ZNF425: variants seen among roughly 807,000 people sequenced by gnomAD.
ZNF425 encodes the protein zinc finger protein 425.
Under a neutral mutation model 17.0 loss-of-function variants are expected in ZNF425, and 21 were observed. The ratio of observed to expected loss-of-function variants is 1.23; its 90% CI spans 0.88 to 1.78. ZNF425 has a LOEUF of 1.78. Among genes scored for constraint, ZNF425 ranks in the 40% most tolerant of loss-of-function variants. The probability of loss-of-function intolerance (pLI) is 0.00; values close to 1 mark genes in which losing one functional copy is unlikely to be tolerated. For missense variants in ZNF425, 868 were observed against 967.3 expected, an observed-to-expected ratio of 0.90 and a Z score of 1.36; for synonymous variants, 433 against 384.1, an observed-to-expected ratio of 1.13 and a Z score of -1.49.
rs774448916 is a variant in ZNF425, at chr7:149,104,418, GC to G, written c.1452del (p.Lys484AsnfsTer34). ...ECGKRFTRPS[K>X]LACHTRVHDR... ...TCGTGGACTCTGGTGTGGCAGGCGA[GC>G]TTGGAAGGCCGCGTGAAGCGCTTGC... On this transcript the variant is annotated frameshift_variant, in exon 4 of 4. Transcript: ENST00000378061. LOFTEE classifies it low-confidence loss of function (END_TRUNC). The surrounding 1 kb of genome is among the most constrained non-coding windows in gnomAD (Gnocchi z 4.3). 23 of 1,602,802 alleles carry G rather than the reference GC, an allele frequency of 1.4e-5. No individual in the cohort carries two copies. In the Admixed American group the frequency reaches 3.2e-4, roughly 23 times the overall value.
chr7:149,125,460 A>G (rs543450864), intron 1 of ZNF425, among the ~76,000 whole-genome samples: 1 of 152,146 alleles, frequency 6.6e-6, no homozygotes, highest in African/African-American at 2.4e-5. Flanking sequence ...GCGGTCTCCA[A>G]TTTCTCTCAG....
At position 149,104,794 on chromosome 7, in the gene ZNF425, G is replaced by A; in HGVS notation, c.1077C>T (p.His359=). 1.2e-6 allele frequency: 2 copies of A among 1,613,634 alleles called. No homozygotes were observed. The highest frequency in any genetic ancestry group is 1.7e-6 in the Non-Finnish European group (2 of 1,179,976). Residue 359 remains histidine (H), a synonymous_variant, in exon 4 of 4, where the codon CAC becomes CAT. Coordinates refer to ENST00000378061, the MANE Select transcript of ZNF425 (RefSeq NM_001001661.3). This position sits in a 1 kb window ranked among gnomAD's most constrained non-coding sequence, Gnocchi z 4.3. ...AGAAGCTCCGGCCACACTCGGGACA[G>A]TGGAAGGGCCTCTTCCCGCTGTGCT... The part of the protein sequence containing the change: ...LTQHSGKRPF[H]CPECGRSFSR...
chr7:149,112,325 T>C, intron 2 of ZNF425, 30 bp from the exon 3 acceptor site: 1 of 1,598,802 alleles, frequency 6.3e-7, no homozygotes. Flanking sequence ...AGACTTTGAG[T>C]TTACTGCATA....
At position 149,110,473 on chromosome 7, in the gene ZNF425, G is replaced by T. The variant is rs1319278525; in HGVS notation, c.304+1664C>A. On this transcript the variant is annotated intron_variant, in intron 3 of 3. Transcript: ENST00000378061. The stretch of plus-strand genomic sequence containing the variant: ...CCCAGCTACTCAGGAGGCTGAGGCA[G>T]GAGAATTGCTTGAACCCAGGAGATG... 2.6e-5 allele frequency among the ~76,000 whole-genome samples: 4 copies of T among 151,556 alleles called. No homozygotes were observed. The East Asian group carries it at 8.0e-4, about 30-fold the overall frequency.
Position 149,114,918 on chromosome 7 carries a change from TTTTC to T in ZNF425, c.146-2627_146-2624del, listed in dbSNP as rs1206012623. Among the ~76,000 whole-genome samples, 93 of 145,498 alleles carry T rather than the reference TTTTC, an allele frequency of 6.4e-4. 6 individuals carry two copies. Among genetic ancestry groups the T allele is most frequent in the East Asian group, 2.0e-4 (1 of 5,128 alleles). On this transcript the variant is annotated intron_variant, in intron 2 of 3. Coordinates refer to ENST00000378061, the MANE Select transcript of ZNF425 (RefSeq NM_001001661.3). ...TTGAGGTACCAAAATTCTTTTTTTC[TTTTC>T]TTTCTTTTCTTTTTTTTTTTTTTTT...
Position 149,126,282 on chromosome 7 carries a change from G to C in ZNF425, c.-69C>G. 1.9e-6 allele frequency: 3 copies of C among 1,571,738 alleles called. No individual in the cohort carries two copies. The highest frequency in any genetic ancestry group is 2.6e-6 in the Non-Finnish European group (3 of 1,159,278). ...CCGCTCCGCCCCAACCCAACTCCCAGGTACAGCCCTGCTGGCCCCCAAAGG... is the reference window on the plus strand; with the variant it reads ...CCGCTCCGCCCCAACCCAACTCCCACGTACAGCCCTGCTGGCCCCCAAAGG... On this transcript the variant is annotated 5_prime_UTR_variant, in exon 1 of 4. Transcript: ENST00000378061.
At chr7:149,125,769 GGGTTTTGCCCTGCTC>G (rs1826454994) in intron 1 of ZNF425, 1 of 321,522 alleles carries the variant, frequency 3.1e-6, no homozygotes, top group Non-Finnish European at 5.9e-6. Flanking sequence ...ATCAGCACTG[GGGTTTTGCCCTGCTC>G]GGTTTCCGAG....
intron 3 of ZNF425, among the ~76,000 whole-genome samples, chr7:149,106,782 T>C (rs1481295554): frequency 6.6e-6 from 1 of 152,150 alleles, no homozygotes; most frequent in Non-Finnish European, 1.5e-5. Context: ...ATCATCTGAC[T>C]ATACCATTAC....
chr7:149,113,079 C>G (rs145542340), intron 2 of ZNF425, among the ~76,000 whole-genome samples: 6,538 of 148,706 alleles, frequency 0.044, 501 homozygotes, highest in African/African-American at 0.15. Context: ...CAGGTTCAAC[C>G]AATTCTCCTG....
Position 149,103,485 on chromosome 7 carries a change from T to A in ZNF425, c.*127A>T. On this transcript the variant is annotated 3_prime_UTR_variant, in exon 4 of 4. Coordinates refer to ENST00000378061, the MANE Select transcript of ZNF425 (RefSeq NM_001001661.3). ...CTCCCACCTGGGCCTCCCAAAGTAATGGGATTACAGGCGGGAGCCACTGTG... is the reference window on the plus strand; with the variant it reads ...CTCCCACCTGGGCCTCCCAAAGTAAAGGGATTACAGGCGGGAGCCACTGTG... 1.6e-6 allele frequency: 2 copies of A among 1,261,642 alleles called. No homozygotes were observed. Among genetic ancestry groups the A allele is most frequent in the Non-Finnish European group, 2.1e-6 (2 of 938,872 alleles). The allele number at this position is 1,261,642 out of a possible 1,614,324, so 78.2% of individuals were successfully genotyped here.
intron 2 of ZNF425, among the ~76,000 whole-genome samples, chr7:149,114,053 C>T (rs1400324691): frequency 1.3e-5 from 2 of 150,900 alleles, no homozygotes; most frequent in East Asian, 3.9e-4. Flanking sequence ...TTTAAATATC[C>T]TCTGCAATAT....
At position 149,103,795 on chromosome 7, in the gene ZNF425, C is replaced by G. The variant is rs1395346044; in HGVS notation, c.2076G>C (p.Arg692Ser). The G allele has an allele frequency of 5.0e-6, 8 of 1,614,020 alleles. No homozygotes were observed. Among genetic ancestry groups the G allele is most frequent in the Non-Finnish European group, 5.9e-6 (7 of 1,180,042 alleles). Residue 692 changes from arginine to serine, a missense_variant, in exon 4 of 4, where the codon AGG becomes AGC. Arg to Ser is a moderately radical substitution (Grantham distance 110, BLOSUM62 -1). Transcript: ENST00000378061. ...KVHLYKHSGE[R>S]PFQCPECGKG... is the part of the protein sequence containing the mutation. Reference sequence around the variant, plus strand: ...TGCCACACTCGGGACACTGGAAGGGCCTCTCTCCACTGTGCTTATACAAGT... The same window carrying G: ...TGCCACACTCGGGACACTGGAAGGGGCTCTCTCCACTGTGCTTATACAAGT...
rs1173936435 is a variant in ZNF425 at position 149,104,952 on chromosome 7, A to C, written c.919T>G (p.Cys307Gly). ...CACTGCTGCACGAAGGCCCGGCCGCACTCCCCGCAGCAGAACGGCCGCTCC... is the reference window on the plus strand; with the variant it reads ...CACTGCTGCACGAAGGCCCGGCCGCCCTCCCCGCAGCAGAACGGCCGCTCC... Reference protein sequence around the residue: ...RGERPFCCGECGRAFVQQCEL... With the variant: ...RGERPFCCGEGGRAFVQQCEL... Residue 307 changes from cysteine (C) to glycine (G), a missense_variant, in exon 4 of 4, where the codon TGC becomes GGC. Cys to Gly is a radical substitution (Grantham distance 159). Coordinates refer to ENST00000378061, the MANE Select transcript of ZNF425 (RefSeq NM_001001661.3). This position sits in a 1 kb window ranked among gnomAD's most constrained non-coding sequence, Gnocchi z 4.3. 6.2e-7 allele frequency: 1 copy of C among 1,613,820 alleles called. No homozygotes were observed. Among genetic ancestry groups the C allele is most frequent in the Admixed American group, 1.7e-5 (1 of 59,996 alleles).
At chr7:149,122,753 T>C (rs1320470879) in intron 1 of ZNF425, among the ~76,000 whole-genome samples, 3 of 151,952 alleles carry the variant, frequency 2.0e-5, no homozygotes, top group Non-Finnish European at 4.4e-5. Flanking sequence ...TGGAGTGCAA[T>C]GGCGCAATCT....
intron 1 of ZNF425, among the ~76,000 whole-genome samples, chr7:149,123,841 CT>C (rs11301508): frequency 0.69 from 88,855 of 128,076 alleles, 29,972 homozygotes; most frequent in East Asian, 0.87. Context: ...CTTGCTTTTT[CT>C]TTTTTTTTTT....
intron 1 of ZNF425, among the ~76,000 whole-genome samples, chr7:149,119,400 A>G (rs557688719): frequency 6.6e-6 from 1 of 152,208 alleles, no homozygotes. Flanking sequence ...AATTATTTTT[A>G]AAAAGGTTCC....
chr7:149,104,336 C>A lies in ZNF425; in HGVS notation c.1535G>T (p.Arg512Leu), dbSNP rs199919803. ...GTGGACCTTCAGGTGCTGCGTGAGC[C>A]GCGACTGCTGAGAAAAGGTCTTTTT... ...ECKKTFSQQSRLTQHLKVHTT... is the reference protein window; with the variant it reads ...ECKKTFSQQSLLTQHLKVHTT... Residue 512 changes from arginine (R) to leucine (L), a missense_variant, in exon 4 of 4, where the codon CGG becomes CTG. Arg to Leu is a moderately radical substitution (Grantham distance 102, BLOSUM62 -2). Around this residue, in one of 5 missense-constraint regions of ZNF425, gnomAD observed 437 missense variants for 444.2 expected, o/e 0.98. Coordinates refer to ENST00000378061, the MANE Select transcript of ZNF425 (RefSeq NM_001001661.3). This position sits in a 1 kb window ranked among gnomAD's most constrained non-coding sequence, Gnocchi z 4.3. The A allele has an allele frequency of 6.8e-6, 11 of 1,613,050 alleles. No homozygotes were observed. The highest frequency in any genetic ancestry group is 3.3e-4 in the Middle Eastern group (2 of 6,082).
Position 149,105,044 on chromosome 7 carries a change from C to A in ZNF425, c.827G>T (p.Cys276Phe), listed in dbSNP as rs368590888. 1.9e-6 allele frequency: 3 copies of A among 1,614,240 alleles called. No individual in the cohort carries two copies. The highest frequency in any genetic ancestry group is 2.5e-6 in the Non-Finnish European group (3 of 1,180,046). ...VVHTGQRPYP[C>F]PECDKTFRYR... ...CCGGAAGGTCTTGTCGCACTCAGGG[C>A]ATGGGTAGGGCCGCTGGCCGGTGTG... The change falls in exon 4 of 4, where the codon TGC (cysteine) becomes TTC (phenylalanine). Residue 276 changes from cysteine (C) to phenylalanine (F), a missense_variant. Transcript: ENST00000378061.
At position 149,114,263 on chromosome 7, in the gene ZNF425, G is replaced by A. The variant is rs865929995; in HGVS notation, c.146-1968C>T. Among the ~76,000 whole-genome samples the A allele has an allele frequency of 3.3e-4, 48 of 145,758 alleles. 1 individual carries two copies. The Middle Eastern group carries it at 0.012, about 35-fold the overall frequency. ...TTTTTTTGGTATTTTTAGTAGAGAC[G>A]GGGTTTCACCAAGTTGGTCAGGCTG... On this transcript the variant is annotated intron_variant, in intron 2 of 3. Transcript: ENST00000378061.
Sources: allele counts gnomAD v4.1 joint callset (sites outside exome capture counted in the v4.1 genomes callset), GRCh38; gene constraint gnomAD v4.1.1; regional missense constraint gnomAD v4.1.1; non-coding constraint Gnocchi (gnomAD v3.1); transcripts MANE v1.5; gene names NCBI Gene and HGNC (gene_info 2026-07-23, HGNC 2026-07-21).